The following EPHB1 variants were observed in gnomAD, a reference collection of about 807,000 sequenced individuals.
EPHB1 encodes the protein ephrin type-B receptor 1.
EPHB1 carries 30 observed loss-of-function variants against 94.4 expected under a neutral mutation model. The observed-to-expected ratio is 0.32, with a 90% CI of 0.24 to 0.43. EPHB1 has a LOEUF of 0.43. Ranked by LOEUF, EPHB1 falls within the 20% of genes least tolerant of loss-of-function variation. The pLI is 1.00. For missense variants in EPHB1, 1,055 were observed against 1,308.3 expected (o/e 0.81, Z 2.99); for synonymous variants, 522 against 489.1 (o/e 1.07, Z -0.89).
intron 12 of EPHB1, among the ~76,000 whole-genome samples, chr3:135,218,357 C>G (rs1434625431): frequency 6.6e-6 from 1 of 152,152 alleles, no homozygotes; most frequent in South Asian, 2.1e-4. Context: ...ACTTTGTTAC[C>G]AATGCTCAGT....
chr3:134,992,022 C>A (rs191308058), intron 3 of EPHB1, among the ~76,000 whole-genome samples: 3 of 152,176 alleles, frequency 2.0e-5, no homozygotes, highest in Admixed American at 6.5e-5. Context: ...TCTCTACCTG[C>A]GACTCCCTCA....
At chr3:134,865,601 A>G (rs2037356873) in intron 1 of EPHB1, among the ~76,000 whole-genome samples, 1 of 152,128 alleles carries the variant, frequency 6.6e-6, no homozygotes, top group Non-Finnish European at 1.5e-5. Flanking sequence ...TCATTATAGA[A>G]TTAGTTAAAT....
intron 3 of EPHB1, among the ~76,000 whole-genome samples, chr3:135,021,613 G>C (rs1485197545): frequency 6.6e-6 from 1 of 151,380 alleles, no homozygotes; most frequent in Non-Finnish European, 1.5e-5. Context: ...CCAAAGCGAT[G>C]ATTATTTTTT....
chr3:135,195,524 C>T (rs1020594480), intron 11 of EPHB1, among the ~76,000 whole-genome samples: 1 of 150,638 alleles, frequency 6.6e-6, no homozygotes, highest in Admixed American at 6.6e-5. Context: ...GTGATATTCC[C>T]CTTCCTGTGT....
chr3:134,916,554 G>T (rs2038574365), intron 1 of EPHB1, among the ~76,000 whole-genome samples: 1 of 152,256 alleles, frequency 6.6e-6, no homozygotes, highest in Non-Finnish European at 1.5e-5. Context: ...GCTCCAGTGG[G>T]CTGGCACTTC....
intron 3 of EPHB1, among the ~76,000 whole-genome samples, chr3:135,052,890 A>AAAAAAAAATAT (rs1553726757): frequency 5.5e-5 from 3 of 54,620 alleles, no homozygotes; most frequent in African/African-American, 2.1e-4. Flanking sequence ...AAAAAAAAAA[A>AAAAAAAAATAT]ATATATATAT....
chr3:135,131,066 G>A (rs1016516393), intron 4 of EPHB1, among the ~76,000 whole-genome samples: 1 of 152,196 alleles, frequency 6.6e-6, no homozygotes, highest in Non-Finnish European at 1.5e-5. Context: ...TGCCTTCCCA[G>A]CACTAGCTAT....
intron 6 of EPHB1, among the ~76,000 whole-genome samples, chr3:135,160,804 G>A (rs1330936836): frequency 6.6e-6 from 1 of 152,222 alleles, no homozygotes; most frequent in East Asian, 1.9e-4. Flanking sequence ...AGCCTTCCAA[G>A]AGAAGAGGCC....
chr3:135,242,151 C>T (rs997446137), intron 13 of EPHB1, among the ~76,000 whole-genome samples: 3 of 152,342 alleles, frequency 2.0e-5, no homozygotes, highest in African/African-American at 4.8e-5. Context: ...CTCACCCTCT[C>T]CAGGGACCAG....
At chr3:135,090,147 G>T (rs912113590) in intron 3 of EPHB1, among the ~76,000 whole-genome samples, 12 of 152,308 alleles carry the variant, frequency 7.9e-5, no homozygotes, top group African/African-American at 2.9e-4. Flanking sequence ...TGTTGCAGTG[G>T]GAGGCCTCAC....
chr3:135,029,072 T>G (rs1445074541), intron 3 of EPHB1, among the ~76,000 whole-genome samples: 2 of 128,140 alleles, frequency 1.6e-5, no homozygotes, highest in East Asian at 2.2e-4. Context: ...GTTTTCCCTT[T>G]GCTTGGTAGA....
At chr3:134,876,018 G>A (rs574682552) in intron 1 of EPHB1, among the ~76,000 whole-genome samples, 1 of 152,316 alleles carries the variant, frequency 6.6e-6, no homozygotes, top group East Asian at 1.9e-4. Flanking sequence ...AATATGCACT[G>A]AGTCGTGTGC....
intron 3 of EPHB1, among the ~76,000 whole-genome samples, chr3:134,967,087 G>C (rs1933782674): frequency 6.6e-6 from 1 of 152,138 alleles, no homozygotes; most frequent in African/African-American, 2.4e-5. Context: ...GCAGAGGGAG[G>C]GACACATGGT....
At chr3:134,959,966 CTTTTTTTTTTTTTTTTTTTTTTTTTTTT>C (rs61369813) in intron 3 of EPHB1, among the ~76,000 whole-genome samples, 13,962 of 107,572 alleles carry the variant, frequency 0.13, 1,029 homozygotes, top group South Asian at 0.17. Context: ...ACATCTGCAC[CTTTTTTTTTTTTTTTTTTTTTTTTTTTT>C]TTTTTTTTTT....
chr3:134,832,388 T>C (rs567888444), intron 1 of EPHB1, among the ~76,000 whole-genome samples: 1 of 152,214 alleles, frequency 6.6e-6, no homozygotes, highest in East Asian at 1.9e-4. Flanking sequence ...TGAGAAGAAA[T>C]CTGGGACAGA....
At chr3:134,933,637 T>C (rs776507364) in intron 2 of EPHB1, among the ~76,000 whole-genome samples, 1 of 152,204 alleles carries the variant, frequency 6.6e-6, no homozygotes, top group Non-Finnish European at 1.5e-5. Context: ...ATTTTACAGA[T>C]GAGGAAACTA....
intron 3 of EPHB1, among the ~76,000 whole-genome samples, chr3:134,986,183 T>C (rs541817496): frequency 1.3e-4 from 20 of 152,334 alleles, no homozygotes; most frequent in Admixed American, 3.3e-4. Context: ...GAGTGACTCT[T>C]TTCCAGATGA....
chr3:134,995,014 G>GTGTGTGTGTA (rs1934943692), intron 3 of EPHB1, among the ~76,000 whole-genome samples: 1 of 151,594 alleles, frequency 6.6e-6, no homozygotes, highest in Non-Finnish European at 1.5e-5. Context: ...GTGTGTGTGT[G>GTGTGTGTGTA]TATTTAGATC....
intron 3 of EPHB1, among the ~76,000 whole-genome samples, chr3:135,030,448 G>A (rs1369827372): frequency 6.6e-6 from 1 of 152,166 alleles, no homozygotes; most frequent in Non-Finnish European, 1.5e-5. Flanking sequence ...TAACAGACAG[G>A]ACCCTCAGCT....
Sources: allele counts gnomAD v4.1 joint callset (sites outside exome capture counted in the v4.1 genomes callset), GRCh38; gene constraint gnomAD v4.1.1; transcripts MANE v1.5; gene names NCBI Gene and HGNC (gene_info 2026-07-23, HGNC 2026-07-21).